TPO: variants seen among roughly 807,000 people sequenced by gnomAD.
TPO encodes the protein thyroid microsomal antigen.
Under a neutral mutation model 96.9 loss-of-function variants are expected in TPO, and 78 were observed. That is an observed-to-expected ratio of 0.81 (90% CI 0.67 to 0.97). The LOEUF is 0.97. Among genes scored for constraint, TPO ranks in the 50% least tolerant of loss-of-function variants. The pLI is 0.00. For synonymous variants in TPO, 547 were observed against 538.0 expected, an observed-to-expected ratio of 1.02 and a Z score of -0.23; for missense variants, 1,252 against 1,274.8, an observed-to-expected ratio of 0.98 and a Z score of 0.27.
At chr2:1,458,913 A>G (rs1017977995) in intron 7 of TPO, among the ~76,000 whole-genome samples, 1 of 152,170 alleles carries the variant, frequency 6.6e-6, no homozygotes, top group African/African-American at 2.4e-5. Flanking sequence ...GTCACAAATA[A>G]TGAAGCAAAG....
chr2:1,406,318 A>G (rs1474708797), intron 1 of TPO, among the ~76,000 whole-genome samples: 1 of 152,238 alleles, frequency 6.6e-6, no homozygotes, highest in Non-Finnish European at 1.5e-5. Context: ...TGATTGAAGT[A>G]TTGGGCTTAA....
intron 15 of TPO, among the ~76,000 whole-genome samples, chr2:1,537,026 T>A (rs57812185): frequency 5.5e-5 from 1 of 18,072 alleles, no homozygotes; most frequent in Non-Finnish European, 8.6e-5. Context: ...TGCAACGTCC[T>A]CAAATACCCC....
intron 7 of TPO, among the ~76,000 whole-genome samples, chr2:1,476,881 C>T (rs1415047117): frequency 6.6e-6 from 1 of 151,376 alleles, no homozygotes; most frequent in Admixed American, 6.6e-5. Flanking sequence ...GCTGGACCAA[C>T]CCCTGCAGCC....
At chr2:1,442,995 G>A (rs9750163) in intron 5 of TPO, among the ~76,000 whole-genome samples, 14 of 152,194 alleles carry the variant, frequency 9.2e-5, no homozygotes, top group African/African-American at 2.7e-4. Context: ...CAGCACTTTC[G>A]GAGGCTGAGG....
At chr2:1,376,984 G>T (rs1661732676) in intron 1 of TPO, among the ~76,000 whole-genome samples, 1 of 152,092 alleles carries the variant, frequency 6.6e-6, no homozygotes, top group Non-Finnish European at 1.5e-5. Flanking sequence ...ATTTGGCAAA[G>T]ACAAAATAGA....
intron 5 of TPO, among the ~76,000 whole-genome samples, chr2:1,438,213 G>A (rs1422900659): frequency 6.6e-6 from 1 of 152,028 alleles, no homozygotes; most frequent in Non-Finnish European, 1.5e-5. Context: ...GAGATGTGGG[G>A]GCGGGGCTGC....
chr2:1,395,693 T>C (rs938667028), intron 1 of TPO, among the ~76,000 whole-genome samples: 4 of 152,136 alleles, frequency 2.6e-5, no homozygotes, highest in Non-Finnish European at 5.9e-5. Flanking sequence ...TGGGAGGTAA[T>C]TGAATCATGG....
intron 14 of TPO, 71 bp from the exon 15 acceptor site, chr2:1,516,812 C>A: frequency 6.9e-7 from 1 of 1,447,874 alleles, no homozygotes. Flanking sequence ...ATGGCCCAGA[C>A]TCAGGCAGGA....
chr2:1,496,421 G>C (rs28991290), intron 12 of TPO, among the ~76,000 whole-genome samples, 174 bp from the exon 13 acceptor site: 3 of 152,290 alleles, frequency 2.0e-5, no homozygotes, highest in Non-Finnish European at 4.4e-5. Context: ...CGCGGGGCCC[G>C]ATCTGGGAAG....
In TPO at chr2:1,491,893, G is replaced by C. The variant is rs191340318; in HGVS notation, c.1769-1909G>C. ...CATCTGGAGACAGAAAACGAGAGTG[G>C]TTTCTGCAGATCACAGGGCGGCAGA... On this transcript the variant is annotated intron_variant, in intron 10 of 16. Coordinates refer to ENST00000329066, the MANE Select transcript of TPO (RefSeq NM_001206744.2). 1.8e-3 allele frequency among the ~76,000 whole-genome samples: 281 copies of C among 152,352 alleles called. 4 individuals carry two copies. Among genetic ancestry groups the C allele is most frequent in the African/African-American group, 6.6e-3 (274 of 41,588 alleles).
intron 2 of TPO, among the ~76,000 whole-genome samples, chr2:1,418,043 G>A (rs932780113): frequency 1.3e-5 from 2 of 152,210 alleles, no homozygotes; most frequent in African/African-American, 4.8e-5. Flanking sequence ...AACACTTTGG[G>A]AGGCCGAGGC....
At position 1,531,318 on chromosome 2, in the gene TPO, T is replaced by A. The variant is rs550337174; in HGVS notation, c.2619-9276T>A. ...GCAACTTCCCTAAATCCCCCAACTGTGTTCAACCTCCCCAAATCCCTCCCA... is the reference window on the plus strand; with the variant it reads ...GCAACTTCCCTAAATCCCCCAACTGAGTTCAACCTCCCCAAATCCCTCCCA... On this transcript the variant is annotated intron_variant, in intron 15 of 16. Coordinates refer to ENST00000329066, the MANE Select transcript of TPO (RefSeq NM_001206744.2). Among the ~76,000 whole-genome samples the A allele has an allele frequency of 7.6e-4, 71 of 93,324 alleles. 6 individuals are homozygous for A. Among genetic ancestry groups the A allele is most frequent in the African/African-American group, 3.2e-3 (71 of 22,040 alleles). The allele number at this position is 93,324 out of a possible 152,430, so 61.2% of individuals were successfully genotyped here.
chr2:1,484,842 T>C lies in TPO; in HGVS notation c.1585T>C (p.Leu529=), dbSNP rs114401108. The part of the protein sequence containing the change: ...LHQAFFSPWT[L]LRGGGLDPLI... ...CCAGGCTTTCTTCAGCCCATGGACA[T>C]TACTCCGTGGAGGTGAGTGAGTGCG... The change falls in exon 9 of 17, where the codon TTA becomes CTA. Residue 529 remains leucine, a synonymous_variant. Transcript: ENST00000329066. The C allele has an allele frequency of 3.1e-3, 5,040 of 1,613,848 alleles. 111 individuals are homozygous for C. In the African/African-American group the frequency reaches 0.055, roughly 18 times the overall value.
intron 8 of TPO, among the ~76,000 whole-genome samples, chr2:1,484,153 T>C (rs1270830051): frequency 6.6e-6 from 1 of 152,242 alleles, no homozygotes; most frequent in Non-Finnish European, 1.5e-5. Flanking sequence ...ATTGCAACTG[T>C]AATTTTCCAT....
chr2:1,387,813 GT>G (rs1661926922), intron 1 of TPO, among the ~76,000 whole-genome samples: 1 of 152,188 alleles, frequency 6.6e-6, no homozygotes, highest in South Asian at 2.1e-4. Flanking sequence ...CAGTTTTTCT[GT>G]TCTGTTTTTT....
chr2:1,526,037 G>T (rs1212171375), intron 15 of TPO, among the ~76,000 whole-genome samples: 1 of 93,214 alleles, frequency 1.1e-5, no homozygotes, highest in Non-Finnish European at 2.1e-5. Flanking sequence ...CGCCCACTGT[G>T]TGCAACCTCC....
intron 3 of TPO, 38 bp downstream of exon 3, chr2:1,423,167 C>G (rs745498145): frequency 1.3e-6 from 2 of 1,594,718 alleles, no homozygotes; most frequent in Non-Finnish European, 1.7e-6. Context: ...CAAATGCCAC[C>G]GACAGGCGCA....
At chr2:1,508,054 T>A (rs1220237617) in intron 14 of TPO, among the ~76,000 whole-genome samples, 2 of 151,688 alleles carry the variant, frequency 1.3e-5, no homozygotes, top group Admixed American at 6.6e-5. Flanking sequence ...TTTGAGATAC[T>A]TCCCATCAAT....
intron 15 of TPO, among the ~76,000 whole-genome samples, chr2:1,520,733 A>T (rs1357203574): frequency 6.6e-6 from 1 of 152,256 alleles, no homozygotes; most frequent in Non-Finnish European, 1.5e-5. Context: ...ACCAAGTTGA[A>T]TTCTTTCTGT....
Sources: allele counts gnomAD v4.1 joint callset (sites outside exome capture counted in the v4.1 genomes callset), GRCh38; gene constraint gnomAD v4.1.1; transcripts MANE v1.5; gene names NCBI Gene and HGNC (gene_info 2026-07-23, HGNC 2026-07-21).